The following QRFPR variants were observed in gnomAD, a reference collection of about 807,000 sequenced individuals.
QRFPR encodes the protein pyroglutamylated RFamide peptide receptor.
QRFPR carries 37 observed loss-of-function variants against 31.3 expected under a neutral mutation model. That is an observed-to-expected ratio of 1.18 (90% CI 0.91 to 1.56). The LOEUF is 1.56. Among genes scored for constraint, QRFPR ranks in the 40% most tolerant of loss-of-function variants. QRFPR has a pLI of 0.00. For missense variants in QRFPR, 542 were observed against 532.5 expected, an observed-to-expected ratio of 1.02 and a Z score of -0.18; for synonymous variants, 197 against 192.0, an observed-to-expected ratio of 1.03 and a Z score of -0.22.
chr4:121,337,536 G>C lies in QRFPR; in HGVS notation c.500-668C>G, dbSNP rs566773225. On this transcript the variant is annotated intron_variant, in intron 2 of 5. Transcript: ENST00000394427. ...GTCCTAGGAAAATTCCTGGCCCTCT[G>C]TAGGAGCTGATCCATGTTGGTGGAA... 1.8e-4 allele frequency among the ~76,000 whole-genome samples: 28 copies of C among 152,202 alleles called. No individual in the cohort carries two copies. The South Asian group carries it at 5.6e-3, about 30-fold the overall frequency.
At chr4:121,361,360 A>G (rs1725988748) in intron 1 of QRFPR, among the ~76,000 whole-genome samples, 1 of 150,092 alleles carries the variant, frequency 6.7e-6, no homozygotes, top group Non-Finnish European at 1.5e-5. Flanking sequence ...CTTTACTAGC[A>G]TAGAGTCCTG....
intron 1 of QRFPR, among the ~76,000 whole-genome samples, chr4:121,366,456 A>G (rs1335903351): frequency 6.7e-6 from 1 of 149,862 alleles, no homozygotes; most frequent in Non-Finnish European, 1.5e-5. Flanking sequence ...AGGTCTTGAA[A>G]GATTCTGGTG....
At chr4:121,333,105 A>G (rs1411349976) in intron 3 of QRFPR, 49 bp from the exon 4 acceptor site, 1 of 1,303,566 alleles carries the variant, frequency 7.7e-7, no homozygotes, top group Admixed American at 1.9e-5. Context: ...CAGCATCAAA[A>G]AACAGAAATC....
At chr4:121,369,159 G>T (rs547832127) in intron 1 of QRFPR, among the ~76,000 whole-genome samples, 1 of 152,216 alleles carries the variant, frequency 6.6e-6, no homozygotes, top group East Asian at 1.9e-4. Flanking sequence ...CTCCCAAGTA[G>T]CTGGGACTAT....
intron 1 of QRFPR, among the ~76,000 whole-genome samples, chr4:121,379,140 G>A (rs523815): frequency 0.074 from 11,324 of 152,168 alleles, 589 homozygotes; most frequent in African/African-American, 0.14. Context: ...TTACTTTCAA[G>A]TCAATGCTCT....
intron 1 of QRFPR, among the ~76,000 whole-genome samples, chr4:121,378,407 C>CTTG (rs1560748464): frequency 5.0e-5 from 5 of 100,926 alleles, no homozygotes; most frequent in Non-Finnish European, 7.8e-5. Flanking sequence ...GCTCACTGCA[C>CTTG]TTTTTTTTTT....
chr4:121,332,785 A>C, intron 4 of QRFPR, 36 bp downstream of exon 4: 1 of 1,500,978 alleles, frequency 6.7e-7, no homozygotes, highest in Non-Finnish European at 9.2e-7. Context: ...ATTAATTAAA[A>C]ATAATTTAAA....
intron 1 of QRFPR, among the ~76,000 whole-genome samples, chr4:121,351,824 G>A (rs897802187): frequency 3.7e-4 from 54 of 146,600 alleles, no homozygotes; most frequent in African/African-American, 1.2e-3. Context: ...ATACAACTCC[G>A]AGTTAGTATA....
chr4:121,340,804 T>C (rs1421688609), intron 1 of QRFPR, among the ~76,000 whole-genome samples, 194 bp from the exon 2 acceptor site: 1 of 152,212 alleles, frequency 6.6e-6, no homozygotes, highest in Non-Finnish European at 1.5e-5. Context: ...CTGAACTTTA[T>C]GTTCCTAAAT....
intron 1 of QRFPR, among the ~76,000 whole-genome samples, chr4:121,350,262 T>G (rs2110474251): frequency 6.6e-6 from 1 of 152,306 alleles, no homozygotes. Flanking sequence ...TTATAGAATT[T>G]TTGGCACAGT....
chr4:121,341,634 T>C (rs996731550), intron 1 of QRFPR, among the ~76,000 whole-genome samples: 1 of 152,212 alleles, frequency 6.6e-6, no homozygotes, highest in Non-Finnish European at 1.5e-5. Context: ...AATCATTTAA[T>C]ATATTGTATA....
chr4:121,342,624 T>C (rs770963630), intron 1 of QRFPR, among the ~76,000 whole-genome samples: 1 of 152,146 alleles, frequency 6.6e-6, no homozygotes, highest in Non-Finnish European at 1.5e-5. Context: ...TGCTAATTTG[T>C]TTTTTATTTT....
intron 1 of QRFPR, among the ~76,000 whole-genome samples, chr4:121,358,745 A>G (rs577896547): frequency 6.6e-6 from 1 of 152,164 alleles, no homozygotes; most frequent in Non-Finnish European, 1.5e-5. Flanking sequence ...TATTTATGAC[A>G]TAAGCTTGCC....
chr4:121,369,464 C>T (rs1463979590), intron 1 of QRFPR: 13 of 1,054,402 alleles, frequency 1.2e-5, no homozygotes, highest in Admixed American at 4.2e-5. Flanking sequence ...ATTCAAGTCA[C>T]GGGGTTTGAG....
At chr4:121,362,848 A>G (rs750155319) in intron 1 of QRFPR, among the ~76,000 whole-genome samples, 2 of 150,652 alleles carry the variant, frequency 1.3e-5, no homozygotes, top group East Asian at 2.0e-4. Context: ...TCCAATTTAG[A>G]TAACTAACCA....
rs1725362719 is a variant in QRFPR at position 121,333,034 on chromosome 4, T to A, written c.584A>T (p.Glu195Val). The A allele has an allele frequency of 3.7e-6, 6 of 1,611,684 alleles. No individual in the cohort carries two copies. Among genetic ancestry groups the A allele is most frequent in the Non-Finnish European group, 5.1e-6 (6 of 1,178,000 alleles). ...QLEIKYDFLY[E>V]KEHICCLEEW... The stretch of plus-strand genomic sequence containing the variant: ...TTCTAAGCAGCAGATGTGTTCCTTT[T>A]CATATAGGAAGTCATATTTGATCTT... The change falls in exon 4 of 6, where the codon GAA becomes GTA. Residue 195 changes from glutamate to valine, a missense_variant. Physicochemically the swap from Glu to Val is moderately radical, Grantham distance 121 (BLOSUM62 -2). Coordinates refer to ENST00000394427, the MANE Select transcript of QRFPR (RefSeq NM_198179.3).
In QRFPR at chr4:121,357,578, G is replaced by A. The variant is rs539695651; in HGVS notation, c.341-16968C>T. Among the ~76,000 whole-genome samples the A allele has an allele frequency of 1.1e-4, 17 of 152,200 alleles. No homozygotes were observed. In the South Asian group the frequency reaches 1.5e-3, roughly 13 times the overall value. ...TCCCCTACACTGGGAATTCTAAGAC[G>A]TAGCGCCAGATTCCAGGTCCTAGAA... On this transcript the variant is annotated intron_variant, in intron 1 of 5. Transcript: ENST00000394427.
At chr4:121,374,389 A>G (rs1726312631) in intron 1 of QRFPR, among the ~76,000 whole-genome samples, 1 of 152,194 alleles carries the variant, frequency 6.6e-6, no homozygotes, top group South Asian at 2.1e-4. Context: ...AAGTGTTTAC[A>G]TCTATTATTT....
intron 1 of QRFPR, among the ~76,000 whole-genome samples, chr4:121,344,345 C>T (rs1480731556): frequency 6.6e-6 from 1 of 152,156 alleles, no homozygotes; most frequent in Admixed American, 6.5e-5. Context: ...TCTTGTCTAC[C>T]TGCTCATAAA....
Sources: allele counts gnomAD v4.1 joint callset (sites outside exome capture counted in the v4.1 genomes callset), GRCh38; gene constraint gnomAD v4.1.1; transcripts MANE v1.5; gene names NCBI Gene and HGNC (gene_info 2026-07-23, HGNC 2026-07-21).